RIMS2: variants seen among roughly 807,000 people sequenced by gnomAD.
RIMS2 encodes regulating synaptic membrane exocytosis protein 2.
Under a neutral mutation model 174.4 loss-of-function variants are expected in RIMS2, and 59 were observed. The ratio of observed to expected loss-of-function variants is 0.34; its 90% CI spans 0.27 to 0.42. The LOEUF is 0.42. Ranked by LOEUF, RIMS2 falls within the 10% of genes least tolerant of loss-of-function variation. RIMS2 has a pLI of 1.00. For missense variants in RIMS2, 1,620 were observed against 1,666.3 expected, an observed-to-expected ratio of 0.97 and a Z score of 0.48; for synonymous variants, 606 against 572.5, an observed-to-expected ratio of 1.06 and a Z score of -0.84.
chr8:104,004,909 T>C (rs1048801337), intron 17 of RIMS2, among the ~76,000 whole-genome samples: 2 of 152,122 alleles, frequency 1.3e-5, no homozygotes, highest in African/African-American at 4.8e-5. Flanking sequence ...ATTGTTAGTG[T>C]TTTAATGACT....
intron 4 of RIMS2, among the ~76,000 whole-genome samples, chr8:103,902,769 C>T (rs1163096241): frequency 2.0e-5 from 3 of 152,018 alleles, no homozygotes; most frequent in Admixed American, 6.6e-5. Context: ...TTTGTGGAAA[C>T]AATATATTAT....
chr8:103,809,118 T>G (rs936129128), intron 3 of RIMS2, among the ~76,000 whole-genome samples: 3 of 152,194 alleles, frequency 2.0e-5, no homozygotes, highest in Non-Finnish European at 2.9e-5. Flanking sequence ...AATTGGCCTC[T>G]TGTGGTTCTT....
intron 19 of RIMS2, among the ~76,000 whole-genome samples, chr8:104,155,017 T>C (rs1360124157): frequency 6.6e-6 from 1 of 152,126 alleles, no homozygotes; most frequent in Admixed American, 6.5e-5. Context: ...AAATATTTAA[T>C]ATATGGCTTC....
chr8:103,585,460 T>C (rs952245100), intron 1 of RIMS2, among the ~76,000 whole-genome samples: 7 of 152,250 alleles, frequency 4.6e-5, no homozygotes, highest in Admixed American at 6.5e-5. Context: ...CTATTTACAA[T>C]AGCAAAGACT....
intron 1 of RIMS2, among the ~76,000 whole-genome samples, chr8:103,654,581 T>A (rs1232152226): frequency 6.6e-6 from 1 of 151,928 alleles, no homozygotes; most frequent in African/African-American, 2.4e-5. Flanking sequence ...TGAAGATTTT[T>A]GGTATGTAAT....
At chr8:103,871,703 A>G (rs988344574) in intron 3 of RIMS2, among the ~76,000 whole-genome samples, 4 of 152,096 alleles carry the variant, frequency 2.6e-5, no homozygotes, top group African/African-American at 9.7e-5. Context: ...AACTCAAAAG[A>G]CTGTAGGATC....
intron 1 of RIMS2, among the ~76,000 whole-genome samples, chr8:103,538,803 A>T (rs1841125304): frequency 6.6e-6 from 1 of 152,192 alleles, no homozygotes; most frequent in South Asian, 2.1e-4. Context: ...CACCACGCCC[A>T]GCCTAGTCCA....
At chr8:103,697,194 C>G (rs776865865) in exon 2 of RIMS2, 1 of 1,613,588 alleles carries the variant, frequency 6.2e-7, no homozygotes, top group South Asian at 1.1e-5. Context: ...GTGGTATCTG[C>G]CACAAAACAA....
intron 19 of RIMS2, among the ~76,000 whole-genome samples, chr8:104,095,367 G>A (rs2097740119): frequency 6.6e-6 from 1 of 152,088 alleles, no homozygotes; most frequent in Admixed American, 6.6e-5. Context: ...AAGAATAGAT[G>A]CCTTAGGGTT....
chr8:103,633,029 G>C (rs538390528), intron 1 of RIMS2, among the ~76,000 whole-genome samples: 209 of 140,792 alleles, frequency 1.5e-3, no homozygotes, highest in African/African-American at 5.5e-3. Flanking sequence ...CTCCGCGCCA[G>C]GCCTTTTTTT....
intron 4 of RIMS2, among the ~76,000 whole-genome samples, chr8:103,898,936 T>A (rs1355858256): frequency 2.0e-5 from 3 of 151,218 alleles, no homozygotes; most frequent in Admixed American, 2.0e-4. Context: ...GTGTTCTCAT[T>A]CTTCATTTCC....
chr8:104,082,011 A>T (rs1040460262), intron 19 of RIMS2, among the ~76,000 whole-genome samples: 6 of 152,084 alleles, frequency 3.9e-5, no homozygotes, highest in Middle Eastern at 3.4e-3. Flanking sequence ...GTGGTCATTC[A>T]TTCTCTCTCT....
intron 14 of RIMS2, among the ~76,000 whole-genome samples, chr8:103,949,124 CAAAA>C (rs533642917): frequency 9.1e-5 from 4 of 44,094 alleles, no homozygotes; most frequent in East Asian, 1.9e-3. Context: ...GAGACTCTGT[CAAAA>C]AAAAAAAAAA....
chr8:104,149,675 A>T (rs962313126), intron 19 of RIMS2, among the ~76,000 whole-genome samples: 1 of 152,160 alleles, frequency 6.6e-6, no homozygotes, highest in Admixed American at 6.5e-5. Context: ...AGCAAAATAA[A>T]TTATAGGCAG....
chr8:103,701,907 T>C (rs973232958), intron 2 of RIMS2, among the ~76,000 whole-genome samples: 8 of 152,150 alleles, frequency 5.3e-5, no homozygotes, highest in Admixed American at 4.6e-4. Flanking sequence ...AATACAGGTA[T>C]CTCTTCAGTA....
chr8:103,607,610 C>A (rs1212063993), intron 1 of RIMS2, among the ~76,000 whole-genome samples: 1 of 144,012 alleles, frequency 6.9e-6, no homozygotes, highest in Non-Finnish European at 1.5e-5. Context: ...CAACTTGGTT[C>A]CATTCTCCCC....
intron 1 of RIMS2, among the ~76,000 whole-genome samples, chr8:103,517,169 T>C (rs1829409467): frequency 6.6e-6 from 1 of 152,172 alleles, no homozygotes; most frequent in South Asian, 2.1e-4. Context: ...AGTAGTTATA[T>C]ACCAAGTGTT....
intron 1 of RIMS2, among the ~76,000 whole-genome samples, chr8:103,655,124 A>G (rs1049691223): frequency 1.3e-5 from 2 of 151,970 alleles, no homozygotes; most frequent in Non-Finnish European, 2.9e-5. Flanking sequence ...AGACTACTGT[A>G]TATTCAACTT....
chr8:104,204,518 A>T (rs2099070563), intron 19 of RIMS2, among the ~76,000 whole-genome samples: 1 of 151,830 alleles, frequency 6.6e-6, no homozygotes, highest in Non-Finnish European at 1.5e-5. Context: ...TTCTATGGAC[A>T]GTATTAATTG....
Sources: gnomAD v4.1 joint callset for allele counts (sites outside exome capture counted in the v4.1 genomes callset) on GRCh38, gnomAD v4.1.1 for gene constraint, MANE v1.5 for transcripts, NCBI Gene and HGNC (gene_info 2026-07-23, HGNC 2026-07-21) for gene names.